ADK: variants seen among roughly 807,000 people sequenced by gnomAD.
The protein encoded by ADK is adenosine kinase.
A neutral mutation model predicts 44.7 loss-of-function variants in ADK; 24 were observed. That is an observed-to-expected ratio of 0.54 (90% confidence interval 0.39 to 0.76). ADK has a LOEUF of 0.76. Among genes scored for constraint, ADK ranks in the 30% least tolerant of loss-of-function variants. The pLI, the probability that ADK is intolerant of heterozygous loss-of-function variation, is 0.00. For missense variants in ADK, 321 were observed against 425.1 expected (o/e 0.76, Z 2.15); for synonymous variants, 128 against 142.6 (o/e 0.90, Z 0.73).
At chr10:74,327,455 A>C (rs1425424083) in intron 4 of ADK, among the ~76,000 whole-genome samples, 1 of 152,218 alleles carries the variant, frequency 6.6e-6, no homozygotes, top group African/African-American at 2.4e-5. Flanking sequence ...ATTGAGAAGA[A>C]TGTGTAATCT....
intron 1 of ADK, among the ~76,000 whole-genome samples, chr10:74,196,222 C>T (rs1482900429): frequency 1.4e-4 from 22 of 152,070 alleles, no homozygotes; most frequent in Non-Finnish European, 1.5e-5. Flanking sequence ...GTCTATGTTG[C>T]ATACGTTCTC....
chr10:74,232,845 C>T (rs4746188), intron 3 of ADK, among the ~76,000 whole-genome samples: 4,862 of 152,112 alleles, frequency 0.032, 277 homozygotes, highest in African/African-American at 0.11. Context: ...AGGCTAGTCT[C>T]GAACTCCTGA....
chr10:74,284,085 AGTAGTTGGCATTAC>A (rs1322037823), intron 3 of ADK, among the ~76,000 whole-genome samples: 2 of 152,074 alleles, frequency 1.3e-5, no homozygotes, highest in Non-Finnish European at 2.9e-5. Context: ...CAGCCTTCTG[AGTAGTTGGCATTAC>A]AGGCGTGTGC....
At chr10:74,306,732 C>G (rs537058218) in intron 3 of ADK, among the ~76,000 whole-genome samples, 33 of 152,216 alleles carry the variant, frequency 2.2e-4, no homozygotes, top group African/African-American at 7.5e-4. Flanking sequence ...GTTGACAGTT[C>G]AGTTGAGCCT....
At chr10:74,306,100 CT>C (rs1840239419) in intron 3 of ADK, among the ~76,000 whole-genome samples, 1 of 151,460 alleles carries the variant, frequency 6.6e-6, no homozygotes, top group South Asian at 2.1e-4. Context: ...AAATTTAGAT[CT>C]TTTAGTATTG....
intron 3 of ADK, among the ~76,000 whole-genome samples, chr10:74,277,406 GT>G (rs1028544688): frequency 7.3e-5 from 1 of 13,614 alleles, no homozygotes; most frequent in Non-Finnish European, 1.4e-4. Context: ...GTTTTGTTTT[GT>G]TTTTTTGAGA....
chr10:74,579,209 G>A (rs1851296224), intron 7 of ADK, among the ~76,000 whole-genome samples: 1 of 150,556 alleles, frequency 6.6e-6, no homozygotes, highest in African/African-American at 2.5e-5. Context: ...ACTCCAGCCT[G>A]GGCAACAGAG....
At chr10:74,461,299 T>C (rs1427623588) in intron 6 of ADK, among the ~76,000 whole-genome samples, 1 of 152,160 alleles carries the variant, frequency 6.6e-6, no homozygotes, top group Non-Finnish European at 1.5e-5. Context: ...GCACATTGCT[T>C]CCATCTTAAA....
intron 9 of ADK, among the ~76,000 whole-genome samples, chr10:74,640,362 C>CTT (rs1853797824): frequency 6.6e-6 from 1 of 152,226 alleles, no homozygotes; most frequent in African/African-American, 2.4e-5. Context: ...CCATATGTGG[C>CTT]TTTTAAGAGA....
intron 4 of ADK, among the ~76,000 whole-genome samples, chr10:74,370,909 A>G (rs1842638047): frequency 6.6e-6 from 1 of 152,106 alleles, no homozygotes; most frequent in South Asian, 2.1e-4. Context: ...TTGATTATGT[A>G]GAATAATTTT....
chr10:74,392,803 G>A (rs1235607043), intron 4 of ADK, among the ~76,000 whole-genome samples: 2 of 151,908 alleles, frequency 1.3e-5, no homozygotes, highest in East Asian at 1.9e-4. Context: ...TTTGAGACTT[G>A]ATTTTTTTTT....
intron 7 of ADK, among the ~76,000 whole-genome samples, chr10:74,538,481 A>G (rs1849527929): frequency 2.6e-5 from 4 of 152,214 alleles, no homozygotes; most frequent in Admixed American, 2.6e-4. Context: ...GAATTACAAA[A>G]CAGTGAGCAA....
intron 3 of ADK, among the ~76,000 whole-genome samples, chr10:74,257,817 G>T (rs1845884036): frequency 6.6e-6 from 1 of 152,124 alleles, no homozygotes; most frequent in Non-Finnish European, 1.5e-5. Flanking sequence ...GATTAGCAAT[G>T]AACATTACAG....
chr10:74,270,236 A>G (rs1029039258), intron 3 of ADK, among the ~76,000 whole-genome samples: 5 of 152,236 alleles, frequency 3.3e-5, no homozygotes, highest in Non-Finnish European at 7.3e-5. Flanking sequence ...GATAATTACA[A>G]TATTAGAAAT....
intron 6 of ADK, among the ~76,000 whole-genome samples, chr10:74,430,971 A>G (rs1844968081): frequency 6.8e-6 from 1 of 146,644 alleles, no homozygotes; most frequent in Non-Finnish European, 1.5e-5. Context: ...GTGTTGAAGC[A>G]TGGGGAACTA....
At chr10:74,200,886 G>A (rs757995503) in intron 2 of ADK, 48 bp downstream of exon 2, 1 of 1,240,400 alleles carries the variant, frequency 8.1e-7, no homozygotes, top group East Asian at 2.3e-5. Context: ...TACATTTGAA[G>A]AAGAATGGAT....
chr10:74,348,903 A>G (rs1841866271), intron 4 of ADK, among the ~76,000 whole-genome samples: 1 of 152,100 alleles, frequency 6.6e-6, no homozygotes, highest in Non-Finnish European at 1.5e-5. Context: ...TCCAAGACAT[A>G]TGAGACTATG....
chr10:74,497,332 G>C (rs1157578951), intron 6 of ADK, among the ~76,000 whole-genome samples: 1 of 152,158 alleles, frequency 6.6e-6, no homozygotes, highest in East Asian at 1.9e-4. Flanking sequence ...TGTGCTGAAG[G>C]CATGGTGTTT....
intron 6 of ADK, among the ~76,000 whole-genome samples, chr10:74,429,127 T>G (rs1256536096): frequency 6.6e-6 from 1 of 152,264 alleles, no homozygotes; most frequent in Non-Finnish European, 1.5e-5. Flanking sequence ...TGGAAAAGTT[T>G]AGATAAATTG....
Sources: allele counts gnomAD v4.1 joint callset (sites outside exome capture counted in the v4.1 genomes callset), GRCh38; gene constraint gnomAD v4.1.1; transcripts MANE v1.5; gene names NCBI Gene and HGNC (gene_info 2026-07-23, HGNC 2026-07-21).